Variants in NXPH1 observed in about 807,000 individuals in gnomAD.
NXPH1 encodes the protein neurexophilin 1.
In NXPH1, 5 loss-of-function variants were observed where a neutral mutation model predicts 23.7. The ratio of observed to expected loss-of-function variants is 0.21; its 90% CI spans 0.11 to 0.44. NXPH1 has a LOEUF of 0.44. Ranked by LOEUF, NXPH1 falls within the 20% of genes least tolerant of loss-of-function variation. The pLI, the probability that NXPH1 is intolerant of heterozygous loss-of-function variation, is 0.99. For missense variants in NXPH1, 324 were observed against 321.6 expected (o/e 1.01, Z -0.06); for synonymous variants, 144 against 122.2 (o/e 1.18, Z -1.18).
intron 2 of NXPH1, among the ~76,000 whole-genome samples, chr7:8,530,203 G>T (rs919307171): frequency 2.6e-5 from 4 of 152,150 alleles, no homozygotes; most frequent in African/African-American, 9.7e-5. Flanking sequence ...TGGCTAAGGG[G>T]TATGAGTTGT....
intron 2 of NXPH1, among the ~76,000 whole-genome samples, chr7:8,462,033 A>G (rs1188653737): frequency 7.2e-6 from 1 of 138,970 alleles, no homozygotes; most frequent in African/African-American, 3.0e-5. Flanking sequence ...ATGTATATCT[A>G]TATATCTATA....
At chr7:8,503,705 C>T (rs767184137) in intron 2 of NXPH1, among the ~76,000 whole-genome samples, 5 of 151,922 alleles carry the variant, frequency 3.3e-5, no homozygotes, top group Non-Finnish European at 7.4e-5. Context: ...TCTCTGTTTT[C>T]TGCTATCTTG....
chr7:8,671,377 C>G (rs2115169844), intron 2 of NXPH1, among the ~76,000 whole-genome samples: 1 of 152,138 alleles, frequency 6.6e-6, no homozygotes, highest in Non-Finnish European at 1.5e-5. Context: ...TTTTGATTGC[C>G]AATATGATGT....
intron 2 of NXPH1, among the ~76,000 whole-genome samples, chr7:8,472,153 G>T (rs1399905968): frequency 6.6e-6 from 1 of 152,036 alleles, no homozygotes; most frequent in Non-Finnish European, 1.5e-5. Flanking sequence ...TACTGATATA[G>T]GTATATTCAT....
At chr7:8,728,695 G>T (rs1780098897) in intron 2 of NXPH1, among the ~76,000 whole-genome samples, 1 of 151,932 alleles carries the variant, frequency 6.6e-6, no homozygotes, top group East Asian at 1.9e-4. Context: ...AAGCCCACTT[G>T]ATCATGGTGG....
At chr7:8,539,777 CATA>C (rs1818084525) in intron 2 of NXPH1, among the ~76,000 whole-genome samples, 1 of 151,630 alleles carries the variant, frequency 6.6e-6, no homozygotes, top group South Asian at 2.1e-4. Context: ...AAATAGATAC[CATA>C]ATAATGCATG....
chr7:8,497,693 A>C (rs1817361310), intron 2 of NXPH1, among the ~76,000 whole-genome samples: 1 of 152,020 alleles, frequency 6.6e-6, no homozygotes, highest in African/African-American at 2.4e-5. Flanking sequence ...TCCTTCCCCT[A>C]CTTTTTGATG....
intron 2 of NXPH1, among the ~76,000 whole-genome samples, chr7:8,483,207 T>C (rs1584185823): frequency 6.6e-6 from 1 of 152,226 alleles, no homozygotes; most frequent in East Asian, 1.9e-4. Flanking sequence ...TTTTTGTTTC[T>C]GTGCTACAAG....
At chr7:8,588,224 T>G (rs934946981) in intron 2 of NXPH1, among the ~76,000 whole-genome samples, 8 of 152,132 alleles carry the variant, frequency 5.3e-5, no homozygotes, top group African/African-American at 1.9e-4. Context: ...GAAATACCAT[T>G]TGACACAGCA....
At chr7:8,464,250 A>G (rs1249283488) in intron 2 of NXPH1, among the ~76,000 whole-genome samples, 2 of 152,180 alleles carry the variant, frequency 1.3e-5, no homozygotes, top group Admixed American at 1.3e-4. Flanking sequence ...AAAACCTTTT[A>G]CCAACAATGT....
chr7:8,750,399 T>G (rs1396409996), intron 2 of NXPH1, among the ~76,000 whole-genome samples: 1 of 152,162 alleles, frequency 6.6e-6, no homozygotes, highest in Admixed American at 6.5e-5. Flanking sequence ...ACATGTGCCA[T>G]GGTGTTTTGC....
chr7:8,559,764 T>G lies in NXPH1; in HGVS notation c.54+123997T>G, dbSNP rs530406866. On this transcript the variant is annotated intron_variant, in intron 2 of 2. Transcript: ENST00000405863. ...CCTTCCAGATAATGCTACATAGACA[T>G]GGATTTCAGTCATAGAAACTCAAAT... 8.6e-5 allele frequency among the ~76,000 whole-genome samples: 13 copies of G among 151,832 alleles called. No homozygotes were observed. The South Asian group carries it at 2.7e-3, about 31-fold the overall frequency.
intron 2 of NXPH1, among the ~76,000 whole-genome samples, chr7:8,689,095 A>G (rs552537232): frequency 6.6e-6 from 1 of 152,282 alleles, no homozygotes; most frequent in Middle Eastern, 3.4e-3. Flanking sequence ...TAAAGCACGT[A>G]TTGTGCCATT....
At chr7:8,693,875 T>G (rs1293416978) in intron 2 of NXPH1, among the ~76,000 whole-genome samples, 1 of 152,194 alleles carries the variant, frequency 6.6e-6, no homozygotes, top group African/African-American at 2.4e-5. Flanking sequence ...TAATGGCTTC[T>G]CTTTTCACTC....
chr7:8,631,415 A>G (rs911750353), intron 2 of NXPH1, among the ~76,000 whole-genome samples: 1 of 152,226 alleles, frequency 6.6e-6, no homozygotes, highest in Non-Finnish European at 1.5e-5. Flanking sequence ...CAAAATCAAA[A>G]ATTGACAAAT....
chr7:8,452,798 T>A (rs145306583), intron 2 of NXPH1, among the ~76,000 whole-genome samples: 94 of 152,064 alleles, frequency 6.2e-4, no homozygotes, highest in African/African-American at 1.9e-3. Context: ...GAATGGGGGG[T>A]AGGGTGAGGT....
chr7:8,444,413 C>T (rs1399051423), intron 2 of NXPH1, among the ~76,000 whole-genome samples: 3 of 152,202 alleles, frequency 2.0e-5, no homozygotes, highest in Non-Finnish European at 4.4e-5. Context: ...CGCTAGTTTT[C>T]TAGGACTGGG....
chr7:8,510,177 G>A (rs1015328704), intron 2 of NXPH1, among the ~76,000 whole-genome samples: 1 of 152,118 alleles, frequency 6.6e-6, no homozygotes, highest in Non-Finnish European at 1.5e-5. Context: ...GTGTGACAAA[G>A]GGTGCCTGGG....
intron 2 of NXPH1, among the ~76,000 whole-genome samples, chr7:8,661,053 A>T (rs761063137): frequency 6.6e-6 from 1 of 152,044 alleles, no homozygotes; most frequent in Non-Finnish European, 1.5e-5. Context: ...GCACAGTGAC[A>T]TAGAAAAATA....
Sources: gnomAD v4.1 joint callset for allele counts (sites outside exome capture counted in the v4.1 genomes callset) on GRCh38, gnomAD v4.1.1 for gene constraint, MANE v1.5 for transcripts, NCBI Gene and HGNC (gene_info 2026-07-23, HGNC 2026-07-21) for gene names.